The following MYO18A variants were observed in gnomAD, a reference collection of about 807,000 sequenced individuals.
The protein encoded by MYO18A is myosin XVIIIA.
MYO18A carries 78 observed loss-of-function variants against 235.8 expected under a neutral mutation model. The ratio of observed to expected loss-of-function variants is 0.33; its 90% confidence interval spans 0.28 to 0.40. The LOEUF (loss-of-function observed/expected upper bound fraction) is 0.40, where lower values mean the gene tolerates loss of function less well. Among genes scored for constraint, MYO18A ranks in the 10% least tolerant of loss-of-function variants. The probability of loss-of-function intolerance (pLI) is 1.00; values close to 1 mark genes in which losing one functional copy is unlikely to be tolerated. For synonymous variants in MYO18A, 977 were observed against 1,077.8 expected, an observed-to-expected ratio of 0.91 and a Z score of 1.83; for missense variants, 2,215 against 2,699.3, an observed-to-expected ratio of 0.82 and a Z score of 3.98.
At chr17:29,113,405 C>A (rs2066981433) in intron 15 of MYO18A, among the ~76,000 whole-genome samples, 1 of 152,186 alleles carries the variant, frequency 6.6e-6, no homozygotes, top group Admixed American at 6.5e-5. Flanking sequence ...CCAGCCAGTC[C>A]CCCACCGAGT....
chr17:29,095,131 TG>T, intron 28 of MYO18A, 72 bp from the exon 29 acceptor site: 1 of 1,465,276 alleles, frequency 6.8e-7, no homozygotes, highest in African/African-American at 1.4e-5. Flanking sequence ...TGTCAGGAGG[TG>T]GTGCCATGGA....
chr17:29,086,910 G>A (rs756274751), intron 38 of MYO18A, 26 bp downstream of exon 38: 1 of 1,596,452 alleles, frequency 6.3e-7, no homozygotes, highest in Admixed American at 1.7e-5. Flanking sequence ...TGCCATGTGG[G>A]CCCCGTGGGG....
At chr17:29,130,474 CCACACACACACACACA>C (rs71135871) in intron 2 of MYO18A, among the ~76,000 whole-genome samples, 22,295 of 142,178 alleles carry the variant, frequency 0.16, 2,285 homozygotes, top group East Asian at 0.53. Flanking sequence ...GAGGCCTCTC[CCACACACACACACACA>C]CACACACACA....
rs775277809 is a variant in MYO18A, at chr17:29,166,961, G to A, written c.-21C>T. On this transcript the variant is annotated 5_prime_UTR_variant, in exon 2 of 42. Coordinates refer to ENST00000527372, the MANE Select transcript of MYO18A (RefSeq NM_078471.4). ...AACATGGTGGGGGTGCTGTTTGTAG[G>A]GGTAGCACCCCCAGAGGATTATGAG... 1 of 1,512,640 alleles carries A rather than the reference G, an allele frequency of 6.6e-7. No individual in the cohort carries two copies. Among genetic ancestry groups the A allele is most frequent in the South Asian group, 1.3e-5 (1 of 77,282 alleles). 93.7% of individuals were successfully genotyped at this position (1,512,640 alleles called of 1,614,324 possible). A position where few individuals can be genotyped will look rare whatever the true frequency, so the allele number is the denominator to read the frequency against.
chr17:29,107,750 C>T (rs1337973125), intron 19 of MYO18A: 3 of 152,254 alleles, frequency 2.0e-5, no homozygotes, highest in Admixed American at 6.5e-5. Context: ...ACTGTCTCTA[C>T]CAAAAGTACA....
At position 29,090,446 on chromosome 17, in the gene MYO18A, G is replaced by A. The variant is rs897069414; in HGVS notation, c.5388+86C>T. The stretch of plus-strand genomic sequence containing the variant: ...TGGATTACTGATGGCAGAGAAAAGC[G>A]CCTTCTAAACTGTGAACTTGGGGGT... On this transcript the variant is annotated intron_variant, in intron 36 of 41. Coordinates refer to ENST00000527372, the MANE Select transcript of MYO18A (RefSeq NM_078471.4). 15 of 1,208,778 alleles carry A rather than the reference G, an allele frequency of 1.2e-5. No individual in the cohort carries two copies. In the Admixed American group the frequency reaches 1.5e-4, roughly 12 times the overall value. The allele number at this position is 1,208,778 out of a possible 1,614,324, so 74.9% of individuals were successfully genotyped here.
In MYO18A at chr17:29,140,459, CG is replaced by C; in HGVS notation, c.1000-18207del. ...CCCCGCCCAGTTCCCGCCCTCTCCC[CG>C]GCCCCTCCCGTCCCGAGCTGCCCAG... On this transcript the variant is annotated intron_variant, in intron 2 of 41. Transcript: ENST00000527372. This position sits in a 1 kb window ranked among gnomAD's most constrained non-coding sequence, Gnocchi z 4.2. 8.2e-7 allele frequency: 1 copy of C among 1,218,346 alleles called. No individual in the cohort carries two copies. Among genetic ancestry groups the C allele is most frequent in the Non-Finnish European group, 1.0e-6 (1 of 953,168 alleles). 75.5% of individuals were successfully genotyped at this position (1,218,346 alleles called of 1,614,324 possible). A position where few individuals can be genotyped will look rare whatever the true frequency, so the allele number is the denominator to read the frequency against.
chr17:29,088,812 C>A (rs143170684), intron 37 of MYO18A, among the ~76,000 whole-genome samples: 1 of 151,908 alleles, frequency 6.6e-6, no homozygotes, highest in Non-Finnish European at 1.5e-5. Context: ...CTGAGGCAGG[C>A]GGATTGCTTG....
chr17:29,172,522 C>T (rs1257281569), intron 1 of MYO18A, among the ~76,000 whole-genome samples: 1 of 151,944 alleles, frequency 6.6e-6, no homozygotes, highest in Non-Finnish European at 1.5e-5. Flanking sequence ...TATGAAATCT[C>T]AGGCAAATCA....
Position 29,122,151 on chromosome 17 carries a change from C to T in MYO18A, c.1087+15G>A. The T allele has an allele frequency of 1.9e-6, 3 of 1,609,976 alleles. No individual in the cohort carries two copies. The highest frequency in any genetic ancestry group is 1.7e-5 in the Admixed American group (1 of 59,464). On this transcript the variant is annotated intron_variant, in intron 3 of 41. Transcript: ENST00000527372. ...GTGAGTCCTGACATGTGCCCCCAGA[C>T]CCTCTGAGACTCACCCAGTGAGAAG...
At chr17:29,080,877 G>A (rs2066104183) in intron 41 of MYO18A, 1 of 985,392 alleles carries the variant, frequency 1.0e-6, no homozygotes, top group Non-Finnish European at 1.2e-6. Context: ...TCAGGGAGGT[G>A]AAGAGCGAAT....
chr17:29,136,788 A>C lies in MYO18A; in HGVS notation c.1000-14535T>G, dbSNP rs191848717. Among the ~76,000 whole-genome samples the C allele has an allele frequency of 8.5e-5, 13 of 152,358 alleles. No homozygotes were observed. The East Asian group carries it at 1.7e-3, about 20-fold the overall frequency. On this transcript the variant is annotated intron_variant, in intron 2 of 41. Transcript: ENST00000527372. ...TAGGCAGGCATCAGCTTTGGTAGCC[A>C]AATCTGGTTGATAAACTTCATCGGC...
chr17:29,111,384 C>G lies in MYO18A; in HGVS notation c.2900+40G>C. ...GAGGGAGCCCCAAAATCAAAACAGT[C>G]CTGGGTACAGAACAGGGGCGGAGGG... On this transcript the variant is annotated intron_variant, in intron 17 of 41. Coordinates refer to ENST00000527372, the MANE Select transcript of MYO18A (RefSeq NM_078471.4). This position sits in a 1 kb window ranked among gnomAD's most constrained non-coding sequence, Gnocchi z 5.1. 6.2e-7 allele frequency: 1 copy of G among 1,600,822 alleles called. No homozygotes were observed. Among genetic ancestry groups the G allele is most frequent in the East Asian group, 2.2e-5 (1 of 44,504 alleles).
At chr17:29,093,777 G>A (rs1465030421) in intron 31 of MYO18A, among the ~76,000 whole-genome samples, 6 of 152,142 alleles carry the variant, frequency 3.9e-5, no homozygotes, top group Non-Finnish European at 7.3e-5. Context: ...AGCAGGGAGC[G>A]ATAGTTCCTC....
At chr17:29,115,557 T>G in intron 12 of MYO18A, 107 bp downstream of exon 12, 3 of 1,475,662 alleles carry the variant, frequency 2.0e-6, no homozygotes, top group South Asian at 1.3e-5. Flanking sequence ...CCTCTGCCAC[T>G]GACAGAGCAT....
At chr17:29,084,856 G>A (rs1025172800) in intron 40 of MYO18A, among the ~76,000 whole-genome samples, 27 of 151,932 alleles carry the variant, frequency 1.8e-4, no homozygotes, top group Non-Finnish European at 3.4e-4. Flanking sequence ...GGATCAGCCC[G>A]CTCTGCCTGA....
At chr17:29,145,373 G>C (rs1478359437) in intron 2 of MYO18A, among the ~76,000 whole-genome samples, 2 of 152,238 alleles carry the variant, frequency 1.3e-5, no homozygotes, top group Non-Finnish European at 2.9e-5. Flanking sequence ...GCGTGGATGA[G>C]TGGAAGGTCC....
chr17:29,124,418 C>T (rs1054549373), intron 2 of MYO18A, among the ~76,000 whole-genome samples: 7 of 152,182 alleles, frequency 4.6e-5, no homozygotes, highest in East Asian at 1.9e-4. Flanking sequence ...ACTTGAAGGG[C>T]GACACTCGGT....
chr17:29,118,680 G>A lies in MYO18A; in HGVS notation c.1830-240C>T, dbSNP rs2067130401. ...ATGCCCTGGTGAGAGGATGCAACCT[G>A]GCCCCCGGAAGGGAGCAGGGAACCT... On this transcript the variant is annotated intron_variant, in intron 8 of 41. Transcript: ENST00000527372. This position sits in a 1 kb window ranked among gnomAD's most constrained non-coding sequence, Gnocchi z 4.2. 6.6e-6 allele frequency among the ~76,000 whole-genome samples: 1 copy of A among 152,242 alleles called. No homozygotes were observed. Among genetic ancestry groups the A allele is most frequent in the African/African-American group, 2.4e-5 (1 of 41,458 alleles).
Sources: allele counts gnomAD v4.1 joint callset (sites outside exome capture counted in the v4.1 genomes callset), GRCh38; gene constraint gnomAD v4.1.1; non-coding constraint Gnocchi (gnomAD v3.1); transcripts MANE v1.5; gene names NCBI Gene and HGNC (gene_info 2026-07-23, HGNC 2026-07-21).